Variants in MAP4 observed in about 807,000 individuals in gnomAD.
The protein encoded by MAP4 is microtubule-associated protein 4.
MAP4 carries 76 observed loss-of-function variants against 170.2 expected under a neutral mutation model. The observed-to-expected ratio is 0.45, with a 90% CI of 0.37 to 0.54. The LOEUF (loss-of-function observed/expected upper bound fraction) is 0.54, where lower values mean the gene tolerates loss of function less well. Among genes scored for constraint, MAP4 ranks in the 20% least tolerant of loss-of-function variants. The pLI, the probability that MAP4 is intolerant of heterozygous loss-of-function variation, is 0.00. For missense variants in MAP4, 2,506 were observed against 2,748.0 expected, an observed-to-expected ratio of 0.91 and a Z score of 1.97; for synonymous variants, 909 against 994.5, an observed-to-expected ratio of 0.91 and a Z score of 1.62.
intron 1 of MAP4, among the ~76,000 whole-genome samples, chr3:48,023,246 CTG>C (rs1579329844): frequency 6.6e-6 from 1 of 152,210 alleles, no homozygotes; most frequent in South Asian, 2.1e-4. Context: ...ATAAGGCAAA[CTG>C]AACTATGGCA....
At chr3:47,973,884 T>C (rs767623888) in intron 3 of MAP4, 13 of 985,176 alleles carry the variant, frequency 1.3e-5, no homozygotes, top group Non-Finnish European at 1.6e-5. Flanking sequence ...AAGAGAGTTT[T>C]AATATTTTAT....
intron 3 of MAP4, among the ~76,000 whole-genome samples, chr3:47,961,460 C>T (rs2100071532): frequency 6.6e-6 from 1 of 152,138 alleles, no homozygotes; most frequent in Admixed American, 6.5e-5. Flanking sequence ...ATAGCTGTAT[C>T]TTGTTAGGTA....
intron 7 of MAP4, 144 bp downstream of exon 7, chr3:47,915,807 G>A: frequency 1.2e-6 from 1 of 826,748 alleles, no homozygotes; most frequent in Non-Finnish European, 1.8e-6. Flanking sequence ...GCGGGAAAGA[G>A]TTGTCTAGGA....
At chr3:48,028,914 G>T (rs977114238) in intron 1 of MAP4, among the ~76,000 whole-genome samples, 2 of 152,112 alleles carry the variant, frequency 1.3e-5, no homozygotes, top group Non-Finnish European at 2.9e-5. Context: ...AGGCCGAGGC[G>T]GGCAGATCGC....
At chr3:48,065,319 AC>A (rs978168449) in intron 1 of MAP4, among the ~76,000 whole-genome samples, 2 of 152,200 alleles carry the variant, frequency 1.3e-5, no homozygotes, top group African/African-American at 4.8e-5. Flanking sequence ...GATTAGCATC[AC>A]CTTATAGATC....
At chr3:47,950,734 C>G (rs148944960) in intron 3 of MAP4, among the ~76,000 whole-genome samples, 50 of 152,246 alleles carry the variant, frequency 3.3e-4, no homozygotes, top group Non-Finnish European at 6.0e-4. Flanking sequence ...CCTTTAGTAA[C>G]TACAGAATAG....
rs560373397 is a variant in MAP4, at chr3:47,912,392, T to C, written c.2029A>G (p.Thr677Ala). 5 of 1,516,522 alleles carry C rather than the reference T, an allele frequency of 3.3e-6. No individual in the cohort carries two copies. The highest frequency in any genetic ancestry group is 2.5e-5 in the East Asian group (1 of 40,468). 93.9% of individuals were successfully genotyped at this position (1,516,522 alleles called of 1,614,324 possible). A position where few individuals can be genotyped will look rare whatever the true frequency, so the allele number is the denominator to read the frequency against. Residue 677 changes from threonine to alanine, a missense_variant, in exon 9 of 21, where the codon ACA becomes GCA. Transcript: ENST00000683076. The stretch of plus-strand genomic sequence containing the variant: ...GGTCTGCAAACTTGTTTGGCTTGTG[T>C]GGGAGGGGTACCGCAATACATGAAG... ...ANFMYCGTPP[T>A]QAKQVCRPSD... is the part of the protein sequence containing the mutation.
intron 9 of MAP4, 34 bp downstream of exon 9, chr3:47,909,004 C>T (rs373990149): frequency 7.1e-5 from 113 of 1,581,560 alleles, no homozygotes; most frequent in Non-Finnish European, 9.5e-5. Context: ...TCAAAAGCCA[C>T]AAGCACACAC....
At chr3:47,995,970 A>G (rs937589770) in intron 2 of MAP4, among the ~76,000 whole-genome samples, 3 of 152,208 alleles carry the variant, frequency 2.0e-5, no homozygotes, top group Admixed American at 6.5e-5. Flanking sequence ...TCAAATCCAC[A>G]GACACAAAGG....
chr3:47,996,395 AC>A (rs2100095640), intron 2 of MAP4, among the ~76,000 whole-genome samples: 1 of 152,172 alleles, frequency 6.6e-6, no homozygotes, highest in Non-Finnish European at 1.5e-5. Context: ...CAATAAAAAA[AC>A]AAACTCTGCC....
chr3:47,867,076 CCTGT>C (rs1417593683), intron 17 of MAP4, among the ~76,000 whole-genome samples, 166 bp downstream of exon 17: 3 of 152,086 alleles, frequency 2.0e-5, no homozygotes, highest in African/African-American at 7.2e-5. Flanking sequence ...CCAGAAACAC[CCTGT>C]CTAACATGGG....
chr3:47,858,483 T>C (rs1026703802), intron 17 of MAP4, among the ~76,000 whole-genome samples: 2 of 152,060 alleles, frequency 1.3e-5, no homozygotes, highest in Non-Finnish European at 2.9e-5. Flanking sequence ...CTTTATTCCA[T>C]CTCAAATCCT....
chr3:48,001,042 C>G (rs1559768850), intron 1 of MAP4, among the ~76,000 whole-genome samples: 1 of 152,114 alleles, frequency 6.6e-6, no homozygotes, highest in Non-Finnish European at 1.5e-5. Flanking sequence ...TCATCGTACC[C>G]CCAATTCCCA....
At position 47,911,642 on chromosome 3, in the gene MAP4, G is replaced by T; in HGVS notation, c.2779C>A (p.Pro927Thr). The T allele has an allele frequency of 6.5e-7, 1 of 1,536,038 alleles. No homozygotes were observed. Among genetic ancestry groups the T allele is most frequent in the Non-Finnish European group, 8.7e-7 (1 of 1,146,850 alleles). ...QSVGPLNLKG[P>T]LAEVSAYNVE... ...TTGTATGCAGAAACTTCTGCTAGGG[G>T]TCCTTTCAGATTGAGAGGGCCTACT... The change falls in exon 9 of 21, where the codon CCC becomes ACC. Residue 927 changes from proline (P) to threonine (T), a missense_variant. Coordinates refer to ENST00000683076, the MANE Select transcript of MAP4 (RefSeq NM_001385682.1). This position sits in a 1 kb window ranked among gnomAD's most constrained non-coding sequence, Gnocchi z 4.0.
At chr3:48,062,365 G>A (rs2100136100) in intron 1 of MAP4, among the ~76,000 whole-genome samples, 1 of 151,412 alleles carries the variant, frequency 6.6e-6, no homozygotes, top group Admixed American at 6.6e-5. Context: ...CACTGCGGAA[G>A]GCCGCAGGGT....
chr3:47,869,842 A>AT (rs1191384011), intron 15 of MAP4, among the ~76,000 whole-genome samples: 1 of 152,098 alleles, frequency 6.6e-6, no homozygotes, highest in Non-Finnish European at 1.5e-5. Flanking sequence ...CCATGAAACC[A>AT]TAAGAGCAAA....
At chr3:47,961,681 G>A (rs1172916331) in intron 3 of MAP4, among the ~76,000 whole-genome samples, 1 of 152,164 alleles carries the variant, frequency 6.6e-6, no homozygotes, top group Non-Finnish European at 1.5e-5. Flanking sequence ...GGCATGGAAG[G>A]AAAGGGTTTC....
intron 3 of MAP4, among the ~76,000 whole-genome samples, chr3:47,964,746 GAACA>G (rs1339629502): frequency 6.6e-6 from 1 of 152,122 alleles, no homozygotes; most frequent in Non-Finnish European, 1.5e-5. Context: ...GGACAAACCA[GAACA>G]AACGTACAAA....
intron 3 of MAP4, among the ~76,000 whole-genome samples, chr3:47,947,943 CAATA>C (rs539550378): frequency 6.6e-6 from 1 of 151,936 alleles, no homozygotes; most frequent in South Asian, 2.1e-4. Flanking sequence ...TTGAAACATG[CAATA>C]AATACACAAG....
Sources: allele counts gnomAD v4.1 joint callset (sites outside exome capture counted in the v4.1 genomes callset), GRCh38; gene constraint gnomAD v4.1.1; non-coding constraint Gnocchi (gnomAD v3.1); transcripts MANE v1.5; gene names NCBI Gene and HGNC (gene_info 2026-07-23, HGNC 2026-07-21).